Variants in RAP1A observed in about 807,000 individuals in gnomAD.
RAP1A encodes the protein RAP1A, member of RAS oncogene family, also known as ras-related protein Rap-1A.
Under a neutral mutation model 26.4 loss-of-function variants are expected in RAP1A, and 6 were observed. The observed-to-expected ratio is 0.23, with a 90% CI of 0.12 to 0.45. RAP1A has a LOEUF of 0.45. RAP1A is among the 20% of genes least tolerant of loss of function. The pLI, the probability that RAP1A is intolerant of heterozygous loss-of-function variation, is 0.99. For missense variants in RAP1A, 121 were observed against 217.2 expected (o/e 0.56, Z 2.78); for synonymous variants, 73 against 79.4 (o/e 0.92, Z 0.43).
chr1:111,584,444 C>A (rs546073090), intron 1 of RAP1A, among the ~76,000 whole-genome samples: 3 of 152,074 alleles, frequency 2.0e-5, no homozygotes, highest in South Asian at 4.1e-4. Flanking sequence ...ATAGATGGTG[C>A]CTTCTGTGAG....
chr1:111,641,758 T>G (rs1259434494), intron 1 of RAP1A, among the ~76,000 whole-genome samples: 2 of 152,132 alleles, frequency 1.3e-5, no homozygotes, highest in Non-Finnish European at 2.9e-5. Context: ...TTTGTATACT[T>G]TAATTCTAAA....
intron 1 of RAP1A, among the ~76,000 whole-genome samples, chr1:111,658,551 A>G (rs1660536157): frequency 6.6e-6 from 1 of 152,062 alleles, no homozygotes; most frequent in South Asian, 2.1e-4. Flanking sequence ...CTTTTTAGAC[A>G]TTTTTGTTAA....
chr1:111,663,827 A>G (rs1324396983), intron 1 of RAP1A, among the ~76,000 whole-genome samples: 2 of 152,158 alleles, frequency 1.3e-5, no homozygotes, highest in Non-Finnish European at 2.9e-5. Context: ...TGAAGGGAAG[A>G]TAATGTCTGC....
intron 6 of RAP1A, among the ~76,000 whole-genome samples, chr1:111,705,343 G>T (rs519412): frequency 0.13 from 20,038 of 152,196 alleles, 1,536 homozygotes; most frequent in East Asian, 0.21. Context: ...GAGAGTGAGA[G>T]TGGGTTAAGT....
intron 1 of RAP1A, chr1:111,648,296 A>G (rs1660143135): frequency 9.9e-7 from 1 of 1,010,150 alleles, no homozygotes; most frequent in Admixed American, 1.9e-5. Context: ...CTTAATTCTC[A>G]GAACTTTGGT....
At chr1:111,631,083 A>C (rs1454577258) in intron 1 of RAP1A, among the ~76,000 whole-genome samples, 1 of 152,224 alleles carries the variant, frequency 6.6e-6, no homozygotes, top group African/African-American at 2.4e-5. Flanking sequence ...TATACAGATA[A>C]AATATTATGT....
rs377602222 is a variant in RAP1A, at chr1:111,687,113, A to G, written c.-27-4221A>G. On this transcript the variant is annotated intron_variant, in intron 1 of 7. Transcript: ENST00000369709. ...GATGTGATTTCCTTTCAATTCTACC[A>G]TCTTGCCTTTTGCCTTGTATTTGTC... Among the ~76,000 whole-genome samples, 11 of 151,156 alleles carry G rather than the reference A, an allele frequency of 7.3e-5. No homozygotes were observed. In the East Asian group the frequency reaches 1.5e-3, roughly 21 times the overall value.
chr1:111,677,787 G>A (rs545800638), intron 1 of RAP1A, among the ~76,000 whole-genome samples: 4 of 152,262 alleles, frequency 2.6e-5, no homozygotes, highest in African/African-American at 4.8e-5. Context: ...CTGCCGTATC[G>A]TATTGGTCAC....
intron 1 of RAP1A, among the ~76,000 whole-genome samples, chr1:111,560,110 G>C (rs1262895495): frequency 6.6e-6 from 1 of 152,184 alleles, no homozygotes; most frequent in Non-Finnish European, 1.5e-5. Flanking sequence ...TGGAAGCTCA[G>C]AGATTACAAT....
At chr1:111,648,569 T>G in intron 1 of RAP1A, 1 of 551,672 alleles carries the variant, frequency 1.8e-6, no homozygotes, top group Non-Finnish European at 3.4e-6. Context: ...GGATCCCGTT[T>G]AGCTGCTCCA....
intron 1 of RAP1A, among the ~76,000 whole-genome samples, chr1:111,551,090 C>A (rs866379433): frequency 2.6e-5 from 4 of 152,258 alleles, no homozygotes; most frequent in South Asian, 2.1e-4. Flanking sequence ...AAATACTTAT[C>A]TTTTCTCATT....
intron 1 of RAP1A, among the ~76,000 whole-genome samples, chr1:111,625,239 C>T (rs1377300312): frequency 6.6e-6 from 1 of 152,184 alleles, no homozygotes; most frequent in African/African-American, 2.4e-5. Context: ...CAGTGCAGTG[C>T]TGTACCCACT....
At chr1:111,688,228 G>A in intron 1 of RAP1A, among the ~76,000 whole-genome samples, 1 of 145,510 alleles carries the variant, frequency 6.9e-6, no homozygotes, top group Non-Finnish European at 1.5e-5. Context: ...TTTTATAGAT[G>A]TTCTATTTTC....
intron 1 of RAP1A, among the ~76,000 whole-genome samples, chr1:111,688,026 C>CAAA (rs58107878): frequency 0.018 from 930 of 51,342 alleles, 80 homozygotes; most frequent in African/African-American, 0.072. Flanking sequence ...GACCCTGTCT[C>CAAA]AAAAAAAAAA....
intron 1 of RAP1A, chr1:111,649,590 C>T: frequency 4.6e-6 from 1 of 219,350 alleles, no homozygotes; most frequent in Admixed American, 4.1e-5. Context: ...TCAGGCTTTG[C>T]CGACGACCAG....
intron 1 of RAP1A, among the ~76,000 whole-genome samples, chr1:111,638,753 G>A (rs1659801111): frequency 6.6e-6 from 1 of 151,884 alleles, no homozygotes; most frequent in African/African-American, 2.4e-5. Flanking sequence ...TCCTTTATTT[G>A]CCTACTCTGG....
chr1:111,689,694 C>T (rs1003607806), intron 1 of RAP1A, among the ~76,000 whole-genome samples: 5 of 151,820 alleles, frequency 3.3e-5, no homozygotes, highest in Non-Finnish European at 7.4e-5. Flanking sequence ...TTTTGAGACG[C>T]AGTCTCGCTC....
intron 1 of RAP1A, among the ~76,000 whole-genome samples, chr1:111,554,739 T>C (rs1657410437): frequency 6.6e-6 from 1 of 152,222 alleles, no homozygotes; most frequent in South Asian, 2.1e-4. Context: ...ACAGCCTGAA[T>C]TCACATTTCC....
intron 1 of RAP1A, chr1:111,649,463 C>T: frequency 3.0e-6 from 1 of 330,256 alleles, no homozygotes; most frequent in Admixed American, 3.2e-5. Context: ...TGGATAGACG[C>T]TGGCCAGGCG....
Sources: gnomAD v4.1 joint callset for allele counts (sites outside exome capture counted in the v4.1 genomes callset) on GRCh38, gnomAD v4.1.1 for gene constraint, MANE v1.5 for transcripts, NCBI Gene and HGNC (gene_info 2026-07-23, HGNC 2026-07-21) for gene names.